TMC7: variants seen among roughly 807,000 people sequenced by gnomAD.
The protein encoded by TMC7 is transmembrane channel-like protein 7.
Under a neutral mutation model 82.9 loss-of-function variants are expected in TMC7, and 54 were observed. The ratio of observed to expected loss-of-function variants is 0.65; its 90% CI spans 0.52 to 0.82. TMC7 has a LOEUF of 0.82. Ranked by LOEUF, TMC7 falls within the 40% of genes least tolerant of loss-of-function variation. The pLI, the probability that TMC7 is intolerant of heterozygous loss-of-function variation, is 0.00. For missense variants in TMC7, 820 were observed against 901.2 expected, an observed-to-expected ratio of 0.91 and a Z score of 1.15; for synonymous variants, 350 against 337.9, an observed-to-expected ratio of 1.04 and a Z score of -0.39.
chr16:19,061,261 C>T lies in TMC7; in HGVS notation c.2107-517C>T, dbSNP rs370984856. 1.8e-4 allele frequency among the ~76,000 whole-genome samples: 27 copies of T among 152,290 alleles called. 1 individual carries two copies. In the Middle Eastern group the frequency reaches 0.014, roughly 77 times the overall value. ...CTCCTGACCTCAGGTGGTCCACCTG[C>T]CTCGGCCTCCCAAAGTGCTGAGATT... On this transcript the variant is annotated intron_variant, in intron 15 of 15. Coordinates refer to ENST00000304381, the MANE Select transcript of TMC7 (RefSeq NM_024847.4).
chr16:19,049,576 G>A, intron 12 of TMC7: 1 of 969,274 alleles, frequency 1.0e-6, no homozygotes, highest in Non-Finnish European at 1.2e-6. Flanking sequence ...ATGGACGTGA[G>A]AAAGCTCACA....
intron 5 of TMC7, among the ~76,000 whole-genome samples, chr16:19,029,150 C>T (rs895015662): frequency 7.3e-5 from 11 of 151,444 alleles, no homozygotes; most frequent in Non-Finnish European, 1.0e-4. Context: ...GGACTACAGG[C>T]GCCCGCCACC....
intron 1 of TMC7, among the ~76,000 whole-genome samples, chr16:18,990,163 G>A (rs2038925160): frequency 6.6e-6 from 1 of 152,154 alleles, no homozygotes; most frequent in Admixed American, 6.6e-5. Flanking sequence ...CTTCTTAAGG[G>A]TGGGGGAGAT....
chr16:19,047,399 G>GA, intron 12 of TMC7, 150 bp downstream of exon 12: 1 of 630,178 alleles, frequency 1.6e-6, no homozygotes, highest in Non-Finnish European at 2.5e-6. Context: ...GAAAAATATT[G>GA]CTTTTTTTTT....
intron 2 of TMC7, among the ~76,000 whole-genome samples, chr16:19,016,203 C>T (rs1426008435): frequency 6.6e-6 from 1 of 152,004 alleles, no homozygotes; most frequent in East Asian, 1.9e-4. Flanking sequence ...GGTTCTTCTG[C>T]CTCAGCCTCG....
At chr16:19,001,996 G>C (rs1255453504) in intron 1 of TMC7, among the ~76,000 whole-genome samples, 4 of 152,136 alleles carry the variant, frequency 2.6e-5, no homozygotes, top group African/African-American at 9.7e-5. Flanking sequence ...TGTGAACTCA[G>C]CACCAAATAC....
intron 15 of TMC7, among the ~76,000 whole-genome samples, chr16:19,061,255 C>T (rs929664921): frequency 6.6e-6 from 1 of 152,162 alleles, no homozygotes; most frequent in African/African-American, 2.4e-5. Context: ...TCAGGTGGTC[C>T]ACCTGCCTCG....
intron 3 of TMC7, among the ~76,000 whole-genome samples, chr16:19,017,665 CA>C (rs1241276473): frequency 8.6e-6 from 1 of 115,860 alleles, no homozygotes; most frequent in Non-Finnish European, 1.8e-5. Flanking sequence ...CTTCAAAAAA[CA>C]GTTTTTTTTT....
intron 3 of TMC7, among the ~76,000 whole-genome samples, chr16:19,019,754 G>A (rs114148410): frequency 0.014 from 2,177 of 152,158 alleles, 59 homozygotes; most frequent in African/African-American, 0.05. Flanking sequence ...TGTGGTAGAC[G>A]GTAGGTTCTC....
intron 1 of TMC7, among the ~76,000 whole-genome samples, chr16:18,995,059 G>A (rs2039019765): frequency 6.6e-6 from 1 of 152,104 alleles, no homozygotes; most frequent in Non-Finnish European, 1.5e-5. Flanking sequence ...TGTGGCTGTA[G>A]CCCAGGAATA....
At chr16:19,025,658 TAAAC>T (rs1186133226) in intron 5 of TMC7, among the ~76,000 whole-genome samples, 2 of 151,564 alleles carry the variant, frequency 1.3e-5, no homozygotes, top group African/African-American at 2.4e-5. Context: ...AAAAAACAAA[TAAAC>T]AAATGCCATA....
chr16:19,030,430 A>T, intron 6 of TMC7, 61 bp downstream of exon 6: 3 of 1,542,020 alleles, frequency 1.9e-6, no homozygotes, highest in Non-Finnish European at 2.6e-6. Flanking sequence ...TATTGGAGAT[A>T]TGGGAGCTCT....
chr16:19,021,551 CT>C, intron 3 of TMC7, 77 bp from the exon 4 acceptor site: 1 of 1,482,004 alleles, frequency 6.7e-7, no homozygotes, highest in Non-Finnish European at 9.2e-7. Flanking sequence ...CCAGCTTCAG[CT>C]TTTGTGGCTG....
intron 15 of TMC7, chr16:19,059,716 C>G: frequency 6.6e-7 from 1 of 1,516,332 alleles, no homozygotes; most frequent in Non-Finnish European, 8.8e-7. Flanking sequence ...TGGCTCATGC[C>G]TGTAATCCCA....
In TMC7 at chr16:19,009,258, A is replaced by G; in HGVS notation, c.154A>G (p.Arg52Gly). ...ELPSYRSIAR[R>G]RTTVHSRDKQ... ...GCCAAGCTACCGGTCCATTGCACGT[A>G]GGAGAACGACTGTCCATTCCCGGGA... The change falls in exon 2 of 16, where the codon AGG (arginine) becomes GGG (glycine). Residue 52 changes from arginine (R) to glycine (G), a missense_variant. Arg to Gly is a moderately radical substitution (Grantham distance 125). This residue lies in a region of TMC7 where 650 missense variants were observed against 669.9 expected (regional missense o/e 0.97). Transcript: ENST00000304381. The G allele has an allele frequency of 6.2e-7, 1 of 1,614,204 alleles. No homozygotes were observed. The highest frequency in any genetic ancestry group is 8.5e-7 in the Non-Finnish European group (1 of 1,180,034).
intron 6 of TMC7, among the ~76,000 whole-genome samples, chr16:19,031,576 C>G (rs1960517865): frequency 6.6e-6 from 1 of 152,086 alleles, no homozygotes; most frequent in Non-Finnish European, 1.5e-5. Context: ...GAGGAGGAGA[C>G]AGGAGAATCA....
At position 18,984,051 on chromosome 16, in the gene TMC7, G is replaced by T; in HGVS notation, c.-13G>T. 1 of 1,474,260 alleles carries T rather than the reference G, an allele frequency of 6.8e-7. No individual in the cohort carries two copies. Among genetic ancestry groups the T allele is most frequent in the Non-Finnish European group, 8.9e-7 (1 of 1,120,252 alleles). 91.3% of individuals were successfully genotyped at this position (1,474,260 alleles called of 1,614,324 possible). A position where few individuals can be genotyped will look rare whatever the true frequency, so the allele number is the denominator to read the frequency against. ...GGGTCCTCGGCAGCCTCTGAGGAGC[G>T]CGGGGCGCGGCCATGAGCGAGTCCA... On this transcript the variant is annotated 5_prime_UTR_variant, in exon 1 of 16. Coordinates refer to ENST00000304381, the MANE Select transcript of TMC7 (RefSeq NM_024847.4).
chr16:18,998,391 A>T (rs1161913082), intron 1 of TMC7, among the ~76,000 whole-genome samples: 1 of 152,106 alleles, frequency 6.6e-6, no homozygotes, highest in Non-Finnish European at 1.5e-5. Flanking sequence ...AGGCCTTGCC[A>T]CCTTCTCGGA....
intron 2 of TMC7, among the ~76,000 whole-genome samples, chr16:19,011,484 C>T (rs1959337583): frequency 6.7e-6 from 1 of 149,930 alleles, no homozygotes; most frequent in Non-Finnish European, 1.5e-5. Context: ...GCCTGGACAG[C>T]ATAGCAAGAC....
Sources: gnomAD v4.1 joint callset for allele counts (sites outside exome capture counted in the v4.1 genomes callset) on GRCh38, gnomAD v4.1.1 for gene constraint, gnomAD v4.1.1 regional missense constraint, MANE v1.5 for transcripts, NCBI Gene and HGNC (gene_info 2026-07-23, HGNC 2026-07-21) for gene names.